Variants in PDZRN4 observed in about 807,000 individuals in gnomAD.
PDZRN4 encodes PDZ domain containing ring finger 4.
PDZRN4 carries 70 observed loss-of-function variants against 99.0 expected under a neutral mutation model. The observed-to-expected ratio is 0.71, with a 90% confidence interval of 0.58 to 0.86. The LOEUF is 0.86. Among genes scored for constraint, PDZRN4 ranks in the 40% least tolerant of loss-of-function variants. The pLI, the probability that PDZRN4 is intolerant of heterozygous loss-of-function variation, is 0.00. For synonymous variants in PDZRN4, 551 were observed against 501.6 expected, an observed-to-expected ratio of 1.10 and a Z score of -1.32; for missense variants, 1,474 against 1,331.2, an observed-to-expected ratio of 1.11 and a Z score of -1.67.
intron 6 of PDZRN4, among the ~76,000 whole-genome samples, chr12:41,553,326 A>G (rs1226093333): frequency 6.6e-6 from 1 of 152,268 alleles, no homozygotes; most frequent in Non-Finnish European, 1.5e-5. Context: ...GTTAGTGTTC[A>G]TTCCTTTTAA....
intron 3 of PDZRN4, among the ~76,000 whole-genome samples, chr12:41,227,357 C>G (rs150423267): frequency 2.6e-5 from 4 of 152,158 alleles, no homozygotes; most frequent in African/African-American, 9.6e-5. Flanking sequence ...TGCAAATGAC[C>G]TAACCAGTTG....
intron 3 of PDZRN4, among the ~76,000 whole-genome samples, chr12:41,368,594 C>G (rs1952018844): frequency 6.6e-6 from 1 of 152,106 alleles, no homozygotes; most frequent in Non-Finnish European, 1.5e-5. Flanking sequence ...AGATTGAGCA[C>G]AGAAGCCCCA....
intron 3 of PDZRN4, among the ~76,000 whole-genome samples, chr12:41,249,715 T>A (rs1232980272): frequency 1.3e-5 from 2 of 152,186 alleles, no homozygotes; most frequent in African/African-American, 4.8e-5. Context: ...GGGCCTGAAG[T>A]ATTATGCAGC....
chr12:41,413,948 T>C (rs2120385859), intron 3 of PDZRN4, among the ~76,000 whole-genome samples: 1 of 152,308 alleles, frequency 6.6e-6, no homozygotes, highest in Non-Finnish European at 1.5e-5. Context: ...TAGTAGCAGG[T>C]ATCATTCTTT....
chr12:41,464,189 CA>C (rs1952902590), intron 3 of PDZRN4, among the ~76,000 whole-genome samples: 4 of 152,184 alleles, frequency 2.6e-5, no homozygotes. Flanking sequence ...TGAACGAACA[CA>C]GGGGCAAAAC....
chr12:41,530,197 G>C (rs145100022), intron 5 of PDZRN4, among the ~76,000 whole-genome samples: 1 of 152,144 alleles, frequency 6.6e-6, no homozygotes, highest in African/African-American at 2.4e-5. Flanking sequence ...CAACGCTCAC[G>C]TTTAGAAAAG....
At chr12:41,355,387 T>C (rs1322943677) in intron 3 of PDZRN4, among the ~76,000 whole-genome samples, 1 of 152,052 alleles carries the variant, frequency 6.6e-6, no homozygotes, top group African/African-American at 2.4e-5. Flanking sequence ...CCTTTTAATA[T>C]AATTAGGCAG....
intron 3 of PDZRN4, among the ~76,000 whole-genome samples, chr12:41,247,118 A>C (rs1294349792): frequency 2.0e-5 from 3 of 152,190 alleles, no homozygotes. Context: ...GGGTCAAATA[A>C]TTTAAAATTT....
chr12:41,505,372 G>A (rs571267799), intron 3 of PDZRN4, among the ~76,000 whole-genome samples: 12 of 152,128 alleles, frequency 7.9e-5, no homozygotes, highest in Admixed American at 2.6e-4. Context: ...CATCTGGGGC[G>A]AGAGTCATAA....
rs1950735951 is a variant in PDZRN4 at position 41,191,640 on chromosome 12, G to A, written c.735+96G>A. ...TAAAATAATAGAGGACTTAGCTTTT[G>A]TTTGTGGATTTTGAGTAAGAAAAAC... On this transcript the variant is annotated intron_variant, in intron 2 of 9. Transcript: ENST00000402685. 3.9e-5 allele frequency: 23 copies of A among 583,236 alleles called. 1 individual carries two copies. In the South Asian group the frequency reaches 5.6e-4, roughly 14 times the overall value. 36.1% of individuals were successfully genotyped at this position (583,236 alleles called of 1,614,324 possible).
chr12:41,320,559 T>G (rs959794331), intron 3 of PDZRN4, among the ~76,000 whole-genome samples: 2 of 152,166 alleles, frequency 1.3e-5, no homozygotes, highest in African/African-American at 4.8e-5. Flanking sequence ...GCAGTGGACC[T>G]ATAACTGAAT....
intron 3 of PDZRN4, among the ~76,000 whole-genome samples, chr12:41,461,664 T>A (rs1452411351): frequency 6.6e-6 from 1 of 152,192 alleles, no homozygotes; most frequent in Non-Finnish European, 1.5e-5. Context: ...TTGATATGAT[T>A]CTTCCCTTAT....
chr12:41,410,136 T>C (rs1952384648), intron 3 of PDZRN4, among the ~76,000 whole-genome samples: 1 of 152,220 alleles, frequency 6.6e-6, no homozygotes, highest in Non-Finnish European at 1.5e-5. Context: ...CATTTTATCT[T>C]TTTGAGAAAA....
chr12:41,367,582 T>C (rs1268301971), intron 3 of PDZRN4, among the ~76,000 whole-genome samples: 12 of 151,992 alleles, frequency 7.9e-5, no homozygotes, highest in Non-Finnish European at 1.6e-4. Context: ...AAGCCTACAG[T>C]GTCTCATCGG....
intron 3 of PDZRN4, among the ~76,000 whole-genome samples, chr12:41,301,218 A>G (rs1951533309): frequency 6.6e-6 from 1 of 152,022 alleles, no homozygotes; most frequent in South Asian, 2.1e-4. Context: ...GAGAAAGGAA[A>G]CACAGACAGA....
chr12:41,366,347 C>A (rs1313329798), intron 3 of PDZRN4, among the ~76,000 whole-genome samples: 1 of 152,112 alleles, frequency 6.6e-6, no homozygotes, highest in Non-Finnish European at 1.5e-5. Flanking sequence ...TGGCTATTGA[C>A]AGAACAATTT....
At chr12:41,431,000 G>A (rs150734072) in intron 3 of PDZRN4, among the ~76,000 whole-genome samples, 236 of 152,262 alleles carry the variant, frequency 1.5e-3, no homozygotes, top group African/African-American at 3.3e-3. Flanking sequence ...GATCTTGTGA[G>A]GACCCTCTCA....
intron 3 of PDZRN4, among the ~76,000 whole-genome samples, chr12:41,290,438 T>G (rs1239583262): frequency 1.3e-5 from 2 of 152,126 alleles, no homozygotes; most frequent in African/African-American, 2.4e-5. Flanking sequence ...TCCAGGAAAT[T>G]CCTTTTTGCC....
chr12:41,253,718 A>T (rs895739239), intron 3 of PDZRN4, among the ~76,000 whole-genome samples: 2 of 152,222 alleles, frequency 1.3e-5, no homozygotes, highest in African/African-American at 2.4e-5. Context: ...TATTCACAAT[A>T]GCTAAAATAT....
Sources: allele counts gnomAD v4.1 joint callset (sites outside exome capture counted in the v4.1 genomes callset), GRCh38; gene constraint gnomAD v4.1.1; transcripts MANE v1.5; gene names NCBI Gene and HGNC (gene_info 2026-07-23, HGNC 2026-07-21).